Variants in KLRD1 observed in about 807,000 individuals in gnomAD.
KLRD1 encodes killer cell lectin like receptor D1, also known as natural killer cells antigen CD94.
KLRD1 carries 21 observed loss-of-function variants against 22.6 expected under a neutral mutation model. The observed-to-expected ratio is 0.93, with a 90% confidence interval of 0.66 to 1.34. The LOEUF is 1.34. KLRD1 is among the 40% of genes most tolerant of loss of function. The pLI, the probability that KLRD1 is intolerant of heterozygous loss-of-function variation, is 0.00. For synonymous variants in KLRD1, 59 were observed against 71.1 expected, an observed-to-expected ratio of 0.83 and a Z score of 0.85; for missense variants, 183 against 208.6, an observed-to-expected ratio of 0.88 and a Z score of 0.76.
intron 1 of KLRD1, among the ~76,000 whole-genome samples, chr12:10,240,459 ATCTTC>A (rs1949231193): frequency 2.0e-5 from 3 of 152,150 alleles, no homozygotes; most frequent in Admixed American, 2.0e-4. Flanking sequence ...AGTAGAATAG[ATCTTC>A]ACTTACGTTC....
chr12:10,281,852 C>T (rs2137654890), intron 1 of KLRD1, among the ~76,000 whole-genome samples: 1 of 152,256 alleles, frequency 6.6e-6, no homozygotes, highest in East Asian at 1.9e-4. Context: ...AAGAGCAAGA[C>T]TATATATCCA....
At chr12:10,299,761 C>T (rs1157385473), upstream of KLRD1, among the ~76,000 whole-genome samples, 1 of 151,912 alleles carries the variant, frequency 6.6e-6, no homozygotes, top group Non-Finnish European at 1.5e-5. Flanking sequence ...ATGAAAGATT[C>T]TCTGTAGCAT....
intron 1 of KLRD1, among the ~76,000 whole-genome samples, chr12:10,295,501 A>ATT (rs11383297): frequency 0.051 from 7,626 of 150,354 alleles, 658 homozygotes; most frequent in African/African-American, 0.18. Flanking sequence ...CAGGTATCCC[A>ATT]TTTTTTTTTG....
upstream of KLRD1, among the ~76,000 whole-genome samples, chr12:10,306,060 T>G (rs1949920437): frequency 6.6e-6 from 1 of 151,514 alleles, no homozygotes; most frequent in Non-Finnish European, 1.5e-5. Flanking sequence ...CCCCAGCTAC[T>G]CGGTAGGCCG....
chr12:10,308,662 G>A (rs1949980059), intron 1 of KLRD1: 1 of 153,014 alleles, frequency 6.5e-6, no homozygotes, highest in Admixed American at 6.5e-5. Flanking sequence ...AATATACTGT[G>A]AAATGAAGCC....
chr12:10,256,057 C>T (rs1949392169), intron 1 of KLRD1, among the ~76,000 whole-genome samples: 1 of 152,104 alleles, frequency 6.6e-6, no homozygotes, highest in East Asian at 1.9e-4. Flanking sequence ...GGAATTGACA[C>T]TTTTATTAAT....
At position 10,327,794 on chromosome 12, in the gene KLRD1, C is replaced by A. The variant is rs1384808543; in HGVS notation, c.*13001C>A. ...TTTCCATAGCATGATATTAGCTATG[C>A]ACTTTACATATAGGGCCTTCAAAAT... is the stretch of plus-strand genomic sequence containing the variant. On this transcript the variant is annotated 3_prime_UTR_variant, in exon 6 of 6. Transcript: ENST00000336164. 1 of 152,142 alleles carries A rather than the reference C, an allele frequency of 6.6e-6. No individual in the cohort carries two copies. The highest frequency in any genetic ancestry group is 1.9e-4 in the East Asian group (1 of 5,200). The allele number at this position is 152,142 out of a possible 1,614,324, so 9.4% of individuals were successfully genotyped here. A position where few individuals can be genotyped will look rare whatever the true frequency, so the allele number is the denominator to read the frequency against.
chr12:10,285,711 G>A (rs1949695073), intron 1 of KLRD1, among the ~76,000 whole-genome samples: 1 of 151,948 alleles, frequency 6.6e-6, no homozygotes. Flanking sequence ...TAGAAAATAT[G>A]ACTAGTATTT....
At chr12:10,265,708 G>C (rs1949492990) in intron 1 of KLRD1, among the ~76,000 whole-genome samples, 1 of 152,212 alleles carries the variant, frequency 6.6e-6, no homozygotes, top group Admixed American at 6.5e-5. Flanking sequence ...AATGAGCCAA[G>C]ATCATGCCAC....
chr12:10,240,707 A>G (rs1370074154), intron 1 of KLRD1, among the ~76,000 whole-genome samples: 1 of 152,160 alleles, frequency 6.6e-6, no homozygotes. Context: ...CTCTCCAATC[A>G]AGGTGAAATA....
Position 10,317,061 on chromosome 12 carries a change from G to T in KLRD1, c.*2268G>T, listed in dbSNP as rs1358488810. ...TGGTTTTCTGTTCCTGTGTTAGTTT[G>T]CTGAGAATGATGGTTTCCAGCTTCA... On this transcript the variant is annotated 3_prime_UTR_variant, in exon 6 of 6. Transcript: ENST00000336164. 2.0e-5 allele frequency: 3 copies of T among 151,714 alleles called. No individual in the cohort carries two copies. The highest frequency in any genetic ancestry group is 4.4e-5 in the Non-Finnish European group (3 of 68,018). The allele number at this position is 151,714 out of a possible 1,614,324, so 9.4% of individuals were successfully genotyped here.
intron 1 of KLRD1, among the ~76,000 whole-genome samples, chr12:10,283,579 T>C (rs1217379358): frequency 3.3e-5 from 5 of 152,094 alleles, no homozygotes; most frequent in Admixed American, 1.3e-4. Flanking sequence ...ATAGCATGTG[T>C]GGTCACTGCA....
At chr12:10,245,613 T>C (rs977088955) in intron 1 of KLRD1, among the ~76,000 whole-genome samples, 1 of 152,192 alleles carries the variant, frequency 6.6e-6, no homozygotes, top group African/African-American at 2.4e-5. Flanking sequence ...ATTTAATCAT[T>C]AATTTCTGTA....
intron 1 of KLRD1, among the ~76,000 whole-genome samples, chr12:10,296,334 G>A (rs1312078791): frequency 6.6e-6 from 1 of 152,010 alleles, no homozygotes; most frequent in Admixed American, 6.6e-5. Flanking sequence ...GGCTAACACA[G>A]TGAAACCCCG....
intron 1 of KLRD1, among the ~76,000 whole-genome samples, chr12:10,284,119 G>A (rs1949674745): frequency 6.6e-6 from 1 of 152,002 alleles, no homozygotes; most frequent in Admixed American, 6.6e-5. Flanking sequence ...CTGGGAGGTG[G>A]AGGTTGCAGT....
At chr12:10,253,246 A>G (rs533268229) in intron 1 of KLRD1, among the ~76,000 whole-genome samples, 16 of 152,168 alleles carry the variant, frequency 1.1e-4, no homozygotes, top group African/African-American at 3.9e-4. Context: ...GCCCCCTCCT[A>G]TGTATCCAGA....
chr12:10,272,698 C>T (rs545792724), intron 1 of KLRD1, among the ~76,000 whole-genome samples: 133 of 152,174 alleles, frequency 8.7e-4, no homozygotes, highest in African/African-American at 3.0e-3. Context: ...CTTAATATTG[C>T]GACATCAGAG....
upstream of KLRD1, among the ~76,000 whole-genome samples, chr12:10,307,358 T>G (rs983935495): frequency 2.0e-5 from 3 of 152,182 alleles, no homozygotes; most frequent in Non-Finnish European, 4.4e-5. Context: ...TTCTACTTTT[T>G]TGAACTTTGC....
chr12:10,298,706 A>T (rs1949842392), intron 1 of KLRD1, among the ~76,000 whole-genome samples: 1 of 152,260 alleles, frequency 6.6e-6, no homozygotes, highest in Non-Finnish European at 1.5e-5. Flanking sequence ...CCTTAAGAAC[A>T]TGTTCCTGCT....
Sources: gnomAD v4.1 joint callset for allele counts (sites outside exome capture counted in the v4.1 genomes callset) on GRCh38, gnomAD v4.1.1 for gene constraint, MANE v1.5 for transcripts, NCBI Gene and HGNC (gene_info 2026-07-23, HGNC 2026-07-21) for gene names.